The following LRRC37A2 variants were observed in gnomAD, a reference collection of about 807,000 sequenced individuals.
LRRC37A2 encodes leucine-rich repeat-containing protein 37A2.
Under a neutral mutation model 68.8 loss-of-function variants are expected in LRRC37A2, and 9 were observed. The ratio of observed to expected loss-of-function variants is 0.13; its 90% confidence interval spans 0.08 to 0.23. The LOEUF (loss-of-function observed/expected upper bound fraction) is 0.23. LRRC37A2 is among the 10% of genes least tolerant of loss of function. LRRC37A2 has a pLI of 1.00. For synonymous variants in LRRC37A2, 63 were observed against 367.6 expected, an observed-to-expected ratio of 0.17 and a Z score of 9.48; for missense variants, 168 against 950.4, an observed-to-expected ratio of 0.18 and a Z score of 10.82.
the LRRC37A2 span, among the ~76,000 whole-genome samples, chr17:46,977,307 C>T: frequency 6.7e-4 from 102 of 152,354 alleles, no homozygotes; most frequent in African/African-American, 2.3e-3. Flanking sequence ...AGGGAGAAAT[C>T]CAGTCTCTCC....
At chr17:46,952,642 A>T in the LRRC37A2 span, 1 of 152,166 alleles carries the variant, frequency 6.6e-6, no homozygotes, top group Admixed American at 6.5e-5. Context: ...AGACATCTTA[A>T]CCTGAAGGCT....
At chr17:46,713,952 T>C in the LRRC37A2 span, 4 of 1,604,502 alleles carry the variant, frequency 2.5e-6, no homozygotes, top group South Asian at 2.3e-5. Context: ...ATGATTGGCT[T>C]TTCTGAAACA....
chr17:46,709,138 A>G, the LRRC37A2 span, among the ~76,000 whole-genome samples: 1 of 152,056 alleles, frequency 6.6e-6, no homozygotes, highest in Non-Finnish European at 1.5e-5. Flanking sequence ...TATATTCTTA[A>G]CAATAATTAT....
the LRRC37A2 span, among the ~76,000 whole-genome samples, chr17:46,458,351 T>TA: frequency 9.1e-6 from 1 of 110,118 alleles, no homozygotes. Context: ...GAACAGAACA[T>TA]GAGTCCTTGA....
the LRRC37A2 span, chr17:46,923,756 A>G: frequency 2.4e-6 from 1 of 423,468 alleles, no homozygotes; most frequent in Non-Finnish European, 4.0e-6. Flanking sequence ...ATCTGGTTAC[A>G]GGTTATCGCT....
At chr17:46,785,889 G>C in the LRRC37A2 span, among the ~76,000 whole-genome samples, 3 of 152,182 alleles carry the variant, frequency 2.0e-5, no homozygotes, top group Non-Finnish European at 2.9e-5. Flanking sequence ...GCCTGGGCTG[G>C]AATGTTGCAG....
the LRRC37A2 span, among the ~76,000 whole-genome samples, chr17:46,778,917 G>C: frequency 6.6e-6 from 1 of 152,096 alleles, no homozygotes; most frequent in East Asian, 1.9e-4. Flanking sequence ...AATCTTTCCT[G>C]TACCTAATTC....
At chr17:46,774,576 AAAC>A in the LRRC37A2 span, among the ~76,000 whole-genome samples, 1 of 152,194 alleles carries the variant, frequency 6.6e-6, no homozygotes, top group African/African-American at 2.4e-5. Flanking sequence ...CTTTGTGTCA[AAAC>A]AAGTTTAGCA....
chr17:46,533,730 G>A lies in LRRC37A2; in HGVS notation c.2907-6446G>A, dbSNP rs1165039783. Among the ~76,000 whole-genome samples the A allele has an allele frequency of 5.0e-4, 44 of 87,202 alleles. 1 individual carries two copies. Among genetic ancestry groups the A allele is most frequent in the African/African-American group, 3.3e-3 (44 of 13,430 alleles). The allele number at this position is 87,202 out of a possible 152,430, so 57.2% of individuals were successfully genotyped here. On this transcript the variant is annotated intron_variant, in intron 6 of 14. Transcript: ENST00000576629. ...TTTGCCAGGCTGGTCTCAACCTCTT[G>A]ACCTCAAGTGATCCTCCAGCCTCAG... is the stretch of plus-strand genomic sequence containing the variant.
chr17:46,901,322 C>T, the LRRC37A2 span, among the ~76,000 whole-genome samples: 5 of 151,982 alleles, frequency 3.3e-5, no homozygotes, highest in African/African-American at 1.2e-4. Flanking sequence ...CCATCATGCC[C>T]GGCTAATTTT....
chr17:46,877,511 A>T, the LRRC37A2 span, among the ~76,000 whole-genome samples: 399 of 152,228 alleles, frequency 2.6e-3, 3 homozygotes, highest in African/African-American at 9.3e-3. Context: ...CCAAGGCGGG[A>T]CTCAGTGCAC....
the LRRC37A2 span, among the ~76,000 whole-genome samples, chr17:47,002,829 G>C: frequency 1.6e-4 from 24 of 151,056 alleles, no homozygotes; most frequent in Non-Finnish European, 3.2e-4. Flanking sequence ...TTTTATTGCT[G>C]AGTTCTGTTC....
At chr17:46,763,840 A>AAC in the LRRC37A2 span, 1 of 128,244 alleles carries the variant, frequency 7.8e-6, no homozygotes, top group African/African-American at 2.9e-5. Context: ...CCAAAAAAAA[A>AAC]AAAAAACAAA....
At chr17:46,953,509 C>G in the LRRC37A2 span, among the ~76,000 whole-genome samples, 1 of 152,080 alleles carries the variant, frequency 6.6e-6, no homozygotes. Context: ...AATAAACATA[C>G]GTGTGCATGT....
At chr17:46,966,800 C>T in the LRRC37A2 span, 1 of 427,438 alleles carries the variant, frequency 2.3e-6, no homozygotes. Context: ...TTTGATGTGG[C>T]CGATGAGAAA....
At chr17:46,779,329 A>G in the LRRC37A2 span, among the ~76,000 whole-genome samples, 1 of 152,328 alleles carries the variant, frequency 6.6e-6, no homozygotes, top group South Asian at 2.1e-4. Flanking sequence ...CAAGGGGGAT[A>G]GAGACCTGCC....
the LRRC37A2 span, chr17:47,018,940 G>A: frequency 1.1e-5 from 16 of 1,519,592 alleles, no homozygotes; most frequent in East Asian, 1.1e-4. Context: ...CCCCAACTTC[G>A]AATATATCAA....
chr17:46,728,824 A>G, the LRRC37A2 span: 2 of 1,488,720 alleles, frequency 1.3e-6, no homozygotes, highest in East Asian at 2.3e-5. Context: ...TGTGTATCAA[A>G]TCCCTAAACA....
chr17:46,501,222 C>G, the LRRC37A2 span, among the ~76,000 whole-genome samples: 39 of 151,294 alleles, frequency 2.6e-4, 5 homozygotes, highest in African/African-American at 9.4e-4. Flanking sequence ...GTTGCCTAGG[C>G]TGGAGGGCAG....
Sources: allele counts gnomAD v4.1 joint callset (sites outside exome capture counted in the v4.1 genomes callset), GRCh38; gene constraint gnomAD v4.1.1; transcripts MANE v1.5; gene names NCBI Gene and HGNC (gene_info 2026-07-23, HGNC 2026-07-21).